EYS: variants seen among roughly 807,000 people sequenced by gnomAD.
EYS encodes the protein EGF-like photoreceptor maintenance factor.
EYS carries 250 observed loss-of-function variants against 282.1 expected under a neutral mutation model. The ratio of observed to expected loss-of-function variants is 0.89; its 90% CI spans 0.80 to 0.98. The LOEUF is 0.98. EYS is among the 50% of genes least tolerant of loss of function. The pLI is 0.00. For synonymous variants in EYS, 1,355 were observed against 1,282.9 expected (o/e 1.06, Z -1.20); for missense variants, 4,016 against 3,709.0 (o/e 1.08, Z -2.15).
At chr6:64,046,569 C>A (rs1015267210) in intron 33 of EYS, among the ~76,000 whole-genome samples, 1 of 150,166 alleles carries the variant, frequency 6.7e-6, no homozygotes, top group South Asian at 2.1e-4. Context: ...CAACCAGAAA[C>A]ACAATAGAAT....
intron 5 of EYS, among the ~76,000 whole-genome samples, chr6:65,443,336 A>ACACATATAGACATATATGCATACATGTG (rs1562186298): frequency 0.017 from 1,884 of 113,884 alleles, 82 homozygotes; most frequent in African/African-American, 0.046. Context: ...GCATACATGT[A>ACACATATAGACATATATGCATACATGTG]TGTACACATA....
At chr6:64,184,814 A>G (rs1277219508) in intron 31 of EYS, among the ~76,000 whole-genome samples, 1 of 152,188 alleles carries the variant, frequency 6.6e-6, no homozygotes, top group East Asian at 1.9e-4. Flanking sequence ...TTGTTTTTAA[A>G]TATAAGATTT....
intron 33 of EYS, among the ~76,000 whole-genome samples, chr6:64,025,244 TG>T: frequency 6.6e-6 from 1 of 152,242 alleles, no homozygotes; most frequent in Middle Eastern, 3.4e-3. Flanking sequence ...TTGGGACCGT[TG>T]GTTTGCCTAG....
chr6:63,730,491 T>TG (rs1561998922), intron 41 of EYS, among the ~76,000 whole-genome samples: 1 of 152,196 alleles, frequency 6.6e-6, no homozygotes, highest in Non-Finnish European at 1.5e-5. Context: ...GTGCATATGG[T>TG]GCACTGCATA....
At chr6:65,090,792 G>A (rs918335829) in intron 12 of EYS, among the ~76,000 whole-genome samples, 1 of 151,918 alleles carries the variant, frequency 6.6e-6, no homozygotes, top group Non-Finnish European at 1.5e-5. Flanking sequence ...AATAGACAAA[G>A]TAATTGACAA....
chr6:64,615,037 A>C (rs529371160), intron 24 of EYS, among the ~76,000 whole-genome samples: 3 of 152,162 alleles, frequency 2.0e-5, no homozygotes, highest in Admixed American at 6.6e-5. Flanking sequence ...AACTGATGCA[A>C]TGTTTAGTCT....
chr6:65,519,332 T>A (rs1450529471), intron 2 of EYS, among the ~76,000 whole-genome samples: 1 of 151,692 alleles, frequency 6.6e-6, no homozygotes, highest in Non-Finnish European at 1.5e-5. Context: ...CAAATTAAAC[T>A]TTAAATGAGT....
intron 12 of EYS, among the ~76,000 whole-genome samples, chr6:65,108,792 C>T (rs1042201387): frequency 5.3e-5 from 8 of 152,120 alleles, no homozygotes; most frequent in Non-Finnish European, 8.8e-5. Context: ...CTGCCCTATG[C>T]TTTCTCCACT....
chr6:64,142,989 TCAG>T (rs1294422070), intron 31 of EYS, among the ~76,000 whole-genome samples: 1 of 152,148 alleles, frequency 6.6e-6, no homozygotes, highest in Non-Finnish European at 1.5e-5. Context: ...TGAATATTAT[TCAG>T]TGCTAAAAAG....
chr6:64,028,069 T>C (rs965233606), intron 33 of EYS, among the ~76,000 whole-genome samples: 1 of 152,214 alleles, frequency 6.6e-6, no homozygotes, highest in Non-Finnish European at 1.5e-5. Flanking sequence ...GCCTTTCTTG[T>C]TATGCCTGAA....
intron 22 of EYS, among the ~76,000 whole-genome samples, chr6:64,697,558 A>G (rs1478002269): frequency 6.6e-6 from 1 of 152,216 alleles, no homozygotes; most frequent in Non-Finnish European, 1.5e-5. Flanking sequence ...CATTTACAGA[A>G]CATTCTACTT....
chr6:64,227,612 C>T lies in EYS; in HGVS notation c.6424+2980G>A, dbSNP rs141463917. Among the ~76,000 whole-genome samples, 745 of 152,028 alleles carry T rather than the reference C, an allele frequency of 4.9e-3. 8 individuals carry two copies. The highest frequency in any genetic ancestry group is 0.017 in the African/African-American group (706 of 41,496). ...TTGTAAATGGGGGTAATTTAGAGAG[C>T]CTACTTCAGCAGGGTTATTCTGAGG... is the stretch of plus-strand genomic sequence containing the variant. On this transcript the variant is annotated intron_variant, in intron 31 of 42. Coordinates refer to ENST00000503581, the MANE Select transcript of EYS (RefSeq NM_001142800.2).
At chr6:64,829,600 T>G (rs1039223729) in intron 19 of EYS, among the ~76,000 whole-genome samples, 2 of 151,890 alleles carry the variant, frequency 1.3e-5, no homozygotes, top group Non-Finnish European at 2.9e-5. Flanking sequence ...TAACGATAGA[T>G]CTGTTGGTTT....
chr6:65,250,981 T>A (rs1456936923), intron 12 of EYS, among the ~76,000 whole-genome samples: 1 of 150,424 alleles, frequency 6.6e-6, no homozygotes, highest in Admixed American at 6.6e-5. Flanking sequence ...CTAATATGAT[T>A]TTAAGTGATA....
chr6:64,731,585 G>A (rs1056729829), intron 22 of EYS, among the ~76,000 whole-genome samples: 2 of 152,204 alleles, frequency 1.3e-5, no homozygotes, highest in Non-Finnish European at 2.9e-5. Context: ...GGTTATTAGA[G>A]AAATGCAGAT....
intron 13 of EYS, among the ~76,000 whole-genome samples, chr6:65,023,037 T>C (rs1352047442): frequency 6.6e-6 from 1 of 152,076 alleles, no homozygotes; most frequent in Admixed American, 6.6e-5. Flanking sequence ...TGTTAATGGG[T>C]ATGGCTTTTA....
chr6:64,033,369 A>T (rs192507170), intron 33 of EYS, among the ~76,000 whole-genome samples: 3 of 152,294 alleles, frequency 2.0e-5, no homozygotes, highest in Admixed American at 2.0e-4. Flanking sequence ...TTCTGAAAAG[A>T]CTTTTTCAAG....
At chr6:63,784,662 C>CGGAACTATTTGAACACAGG (rs1176370526) in intron 39 of EYS, among the ~76,000 whole-genome samples, 2 of 151,796 alleles carry the variant, frequency 1.3e-5, no homozygotes, top group African/African-American at 4.9e-5. Flanking sequence ...CGCACTATCA[C>CGGAACTATTTGAACACAGG]AAGAACAGCA....
intron 30 of EYS, among the ~76,000 whole-genome samples, chr6:64,290,654 G>A (rs959983008): frequency 6.6e-6 from 1 of 151,742 alleles, no homozygotes; most frequent in Non-Finnish European, 1.5e-5. Context: ...CTTGGTGGGG[G>A]GCTTAGAGTC....
Sources: gnomAD v4.1 joint callset for allele counts (sites outside exome capture counted in the v4.1 genomes callset) on GRCh38, gnomAD v4.1.1 for gene constraint, MANE v1.5 for transcripts, NCBI Gene and HGNC (gene_info 2026-07-23, HGNC 2026-07-21) for gene names.